Variants in ERBB4 observed in about 807,000 individuals in gnomAD.
ERBB4 encodes the protein erb-b2 receptor tyrosine kinase 4, also known as receptor tyrosine-protein kinase erbB-4.
ERBB4 carries 42 observed loss-of-function variants against 158.0 expected under a neutral mutation model. The ratio of observed to expected loss-of-function variants is 0.27; its 90% CI spans 0.21 to 0.34. The LOEUF is 0.34. ERBB4 is among the 10% of genes least tolerant of loss of function. The pLI, the probability that ERBB4 is intolerant of heterozygous loss-of-function variation, is 1.00. For missense variants in ERBB4, 1,333 were observed against 1,624.1 expected (o/e 0.82, Z 3.08); for synonymous variants, 583 against 558.7 (o/e 1.04, Z -0.61).
chr2:212,288,621 T>C (rs1021560139), intron 1 of ERBB4, among the ~76,000 whole-genome samples: 4 of 152,086 alleles, frequency 2.6e-5, no homozygotes, highest in African/African-American at 9.7e-5. Context: ...TTGCTGATAG[T>C]CCTTCTTTCC....
intron 1 of ERBB4, among the ~76,000 whole-genome samples, chr2:212,326,957 A>G (rs1428076311): frequency 6.6e-6 from 1 of 150,950 alleles, no homozygotes; most frequent in Non-Finnish European, 1.5e-5. Flanking sequence ...CAAGATTCTA[A>G]TAAGTTCCAT....
chr2:212,059,972 C>G (rs548558353), intron 2 of ERBB4, among the ~76,000 whole-genome samples: 1 of 152,102 alleles, frequency 6.6e-6, no homozygotes, highest in Non-Finnish European at 1.5e-5. Flanking sequence ...AGCTTCTGCA[C>G]AGCAAAAGAA....
At chr2:211,454,545 C>T (rs952788582) in intron 20 of ERBB4, among the ~76,000 whole-genome samples, 70 of 151,408 alleles carry the variant, frequency 4.6e-4, no homozygotes, top group African/African-American at 1.6e-3. Flanking sequence ...AAATGCATTT[C>T]TCTCTCTCTC....
chr2:211,505,239 C>T (rs1405432388), intron 20 of ERBB4, among the ~76,000 whole-genome samples: 2 of 151,862 alleles, frequency 1.3e-5, no homozygotes, highest in Non-Finnish European at 2.9e-5. Context: ...TTCCCTCAGA[C>T]TAACAACAAA....
intron 2 of ERBB4, among the ~76,000 whole-genome samples, chr2:211,982,586 A>C (rs1335124000): frequency 1.3e-5 from 2 of 152,140 alleles, no homozygotes; most frequent in Non-Finnish European, 2.9e-5. Flanking sequence ...GTCAGTAAAA[A>C]TTGTGAAAGA....
rs1427887702 is a variant in ERBB4, at chr2:212,334,479, T to C, written c.82+203970A>G. On this transcript the variant is annotated intron_variant, in intron 1 of 27. Transcript: ENST00000342788. ...TATATATGCATGGATAAATTAATCC[T>C]ATAATTTCTGTTCCTATAGTATCAA... Among the ~76,000 whole-genome samples the C allele has an allele frequency of 2.0e-5, 3 of 152,072 alleles. No homozygotes were observed. In the East Asian group the frequency reaches 5.8e-4, roughly 29 times the overall value.
At chr2:212,228,760 A>G (rs979048194) in intron 1 of ERBB4, among the ~76,000 whole-genome samples, 2 of 152,218 alleles carry the variant, frequency 1.3e-5, no homozygotes, top group Non-Finnish European at 2.9e-5. Flanking sequence ...TGGACAGACA[A>G]ACAAAACGTC....
At chr2:211,602,883 T>A (rs1009849170) in intron 19 of ERBB4, among the ~76,000 whole-genome samples, 2 of 152,118 alleles carry the variant, frequency 1.3e-5, no homozygotes, top group African/African-American at 4.8e-5. Context: ...GCTGGGCCAA[T>A]GACCTAGATA....
At position 211,580,797 on chromosome 2, in the gene ERBB4, TATATA is replaced by T. The variant is rs1182821464; in HGVS notation, c.2302-18714_2302-18710del. 6.3e-3 allele frequency among the ~76,000 whole-genome samples: 404 copies of T among 64,096 alleles called. 16 individuals are homozygous for T. The highest frequency in any genetic ancestry group is 9.4e-3 in the Admixed American group (43 of 4,582). 42.0% of individuals were successfully genotyped at this position (64,096 alleles called of 152,430 possible). A position where few individuals can be genotyped will look rare whatever the true frequency, so the allele number is the denominator to read the frequency against. ...AGATAAAGAAATTGTGATATATATA[TATATA>T]TATATATATAATATATATATATTAT... On this transcript the variant is annotated intron_variant, in intron 19 of 27. Coordinates refer to ENST00000342788, the MANE Select transcript of ERBB4 (RefSeq NM_005235.3).
intron 1 of ERBB4, among the ~76,000 whole-genome samples, chr2:212,206,403 G>A (rs748833075): frequency 1.3e-5 from 2 of 151,982 alleles, no homozygotes. Context: ...GGTTACAATC[G>A]CATGGGATTG....
intron 3 of ERBB4, among the ~76,000 whole-genome samples, chr2:211,883,263 C>A (rs938053418): frequency 6.6e-6 from 1 of 152,040 alleles, no homozygotes; most frequent in Non-Finnish European, 1.5e-5. Flanking sequence ...CACATAGACA[C>A]AGGAAGGGGA....
intron 2 of ERBB4, among the ~76,000 whole-genome samples, chr2:212,081,097 C>A (rs2078429524): frequency 6.6e-6 from 1 of 152,100 alleles, no homozygotes; most frequent in Non-Finnish European, 1.5e-5. Flanking sequence ...ATATTTCTGA[C>A]ATTCATGGCT....
chr2:211,518,831 A>T (rs2125633900), intron 20 of ERBB4, among the ~76,000 whole-genome samples: 1 of 152,248 alleles, frequency 6.6e-6, no homozygotes, highest in African/African-American at 2.4e-5. Context: ...TTTTTTTGTC[A>T]GGCTTAAATT....
At chr2:211,528,236 G>C (rs116417969) in intron 20 of ERBB4, among the ~76,000 whole-genome samples, 12,826 of 151,944 alleles carry the variant, frequency 0.084, 699 homozygotes, top group African/African-American at 0.16. Context: ...TAGATTTCAA[G>C]ACAAAAACTA....
intron 1 of ERBB4, among the ~76,000 whole-genome samples, chr2:212,170,949 C>G (rs113104622): frequency 0.1 from 15,378 of 152,090 alleles, 2,595 homozygotes; most frequent in African/African-American, 0.35. Flanking sequence ...CCTAGTGGAG[C>G]TGTAAGAAGA....
rs1453748501 is a variant in ERBB4, at chr2:211,428,433, G to A, written c.2694C>T (p.Thr898=). The A allele has an allele frequency of 2.5e-6, 4 of 1,593,556 alleles. No homozygotes were observed. Among genetic ancestry groups the A allele is most frequent in the Middle Eastern group, 1.7e-4 (1 of 6,032 alleles). Residue 898 remains threonine, a synonymous_variant, in exon 22 of 28, where the codon ACC becomes ACT. Coordinates refer to ENST00000342788, the MANE Select transcript of ERBB4 (RefSeq NM_005235.3). ...CATAGCTCCAAACGTCACTCTGATGGGTGAATTTCCTGTAATGTATACACT... is the reference window on the plus strand; with the variant it reads ...CATAGCTCCAAACGTCACTCTGATGAGTGAATTTCCTGTAATGTATACACT... ...ALECIHYRKF[T]HQSDVWSYGV...
At chr2:211,543,433 A>G (rs59173109) in intron 20 of ERBB4, among the ~76,000 whole-genome samples, 2 of 152,012 alleles carry the variant, frequency 1.3e-5, no homozygotes, top group Non-Finnish European at 2.9e-5. Flanking sequence ...CATAAGAAAT[A>G]AATCCATGTG....
intron 4 of ERBB4, among the ~76,000 whole-genome samples, chr2:211,773,346 A>C (rs1575125096): frequency 1.3e-5 from 2 of 151,604 alleles, no homozygotes; most frequent in East Asian, 3.9e-4. Context: ...TGTATGTATA[A>C]ATTTACATAA....
chr2:212,116,260 A>T (rs553156661), intron 2 of ERBB4, among the ~76,000 whole-genome samples: 5 of 151,812 alleles, frequency 3.3e-5, no homozygotes, highest in African/African-American at 9.6e-5. Context: ...AGATTGATAA[A>T]TACTAGTCTA....
Sources: gnomAD v4.1 joint callset for allele counts (sites outside exome capture counted in the v4.1 genomes callset) on GRCh38, gnomAD v4.1.1 for gene constraint, MANE v1.5 for transcripts, NCBI Gene and HGNC (gene_info 2026-07-23, HGNC 2026-07-21) for gene names.